LAMA5: variants seen among roughly 807,000 people sequenced by gnomAD.
The protein encoded by LAMA5 is laminin subunit alpha 5.
Under a neutral mutation model 433.4 loss-of-function variants are expected in LAMA5, and 260 were observed. The ratio of observed to expected loss-of-function variants is 0.60; its 90% CI spans 0.54 to 0.66. The LOEUF (loss-of-function observed/expected upper bound fraction) is 0.66, where lower values mean the gene tolerates loss of function less well. LAMA5 is among the 30% of genes least tolerant of loss of function. The pLI is 0.00. For missense variants in LAMA5, 5,378 were observed against 5,258.5 expected, an observed-to-expected ratio of 1.02 and a Z score of -0.70; for synonymous variants, 2,620 against 2,226.6, an observed-to-expected ratio of 1.18 and a Z score of -4.97.
In LAMA5 at chr20:62,353,115, C is replaced by T; in HGVS notation, c.568+19G>A. ...CCCCCCTGCCTCTCCCCCCAGGCCC[C>T]ACGGCGGCAGAGACTCACAGGCAAA... On this transcript the variant is annotated intron_variant, in intron 3 of 79. Transcript: ENST00000252999. 6.5e-7 allele frequency: 1 copy of T among 1,542,772 alleles called. No homozygotes were observed. Among genetic ancestry groups the T allele is most frequent in the Non-Finnish European group, 8.8e-7 (1 of 1,136,428 alleles).
rs745384056 is a variant in LAMA5, at chr20:62,323,518, G to A, written c.6002C>T (p.Pro2001Leu). Residue 2001 changes from proline (P) to leucine (L), a missense_variant, in exon 45 of 80, where the codon CCC becomes CTC. Transcript: ENST00000252999. The stretch of plus-strand genomic sequence containing the variant: ...GCCGGGGGCACAGATCTCGCAGCGG[G>A]GCCCAGTGGTGTGGCGCAGGCAGCC... Reference protein sequence around the residue: ...CRGCLRHTTGPRCEICAPGFY... With the variant: ...CRGCLRHTTGLRCEICAPGFY... The A allele has an allele frequency of 6.4e-7, 1 of 1,572,226 alleles. No homozygotes were observed. Among genetic ancestry groups the A allele is most frequent in the Non-Finnish European group, 8.6e-7 (1 of 1,161,738 alleles).
rs770831626 is a variant in LAMA5, at chr20:62,333,963, G to GC, written c.2815dup (p.Ala939GlyfsTer77). The GC allele has an allele frequency of 6.2e-7, 1 of 1,612,794 alleles. No homozygotes were observed. The highest frequency in any genetic ancestry group is 1.7e-5 in the Admixed American group (1 of 59,998). ...AGAGACCCGCCCGCTCACACTCATG[G>GC]CCCCCCGGTTGACGTATCGGAAGAC... On this transcript the variant is annotated frameshift_variant, in exon 23 of 80. Transcript: ENST00000252999. LOFTEE classifies it high-confidence loss of function.
intron 11 of LAMA5, among the ~76,000 whole-genome samples, chr20:62,340,305 G>GTTTTTTTTTTTTTTTTTTTTTTTTTTTT (rs34415039): frequency 1.0e-5 from 1 of 99,464 alleles, no homozygotes; most frequent in Non-Finnish European, 1.8e-5. Flanking sequence ...AGCCTCCTTT[G>GTTTTTTTTTTTTTTTTTTTTTTTTTTTT]TTTTTTTTTT....
intron 51 of LAMA5, 122 bp downstream of exon 51, chr20:62,319,562 T>C: frequency 4.4e-6 from 3 of 677,996 alleles, no homozygotes; most frequent in Non-Finnish European, 7.6e-6. Context: ...AGAGGCGTCG[T>C]CTCCCATCTA....
rs1318029635 is a variant in LAMA5 at position 62,323,915 on chromosome 20, C to T, written c.5769-59G>A. The stretch of plus-strand genomic sequence containing the variant: ...CTGGCAGTGCCCGGGCCCGGGCGAG[C>T]ACACTGTGCTCCGGCTGGAACACAC... On this transcript the variant is annotated intron_variant, in intron 43 of 79. Transcript: ENST00000252999. 6 of 1,511,208 alleles carry T rather than the reference C, an allele frequency of 4.0e-6. No homozygotes were observed. The East Asian group carries it at 1.5e-4, about 37-fold the overall frequency. 93.6% of individuals were successfully genotyped at this position (1,511,208 alleles called of 1,614,324 possible). A position where few individuals can be genotyped will look rare whatever the true frequency, so the allele number is the denominator to read the frequency against.
In LAMA5 at chr20:62,312,446, C is replaced by T. The variant is rs374897944; in HGVS notation, c.9314G>A (p.Arg3105Gln). 6.9e-6 allele frequency: 11 copies of T among 1,597,994 alleles called. No homozygotes were observed. The highest frequency in any genetic ancestry group is 1.1e-5 in the South Asian group (1 of 90,956). ...KALGKYVDLK[R>Q]LNTTGVSAGC... is the part of the protein sequence containing the mutation. ...GGCGCTCACGCCTGTCGTGTTCAGC[C>T]GCTTGAGGTCCACATACTTGCCCAG... The change falls in exon 68 of 80, where the codon CGG (arginine) becomes CAG (glutamine). Residue 3105 changes from arginine (R) to glutamine (Q), a missense_variant. Physicochemically the swap from Arg to Gln is conservative, Grantham distance 43 (BLOSUM62 1). Transcript: ENST00000252999.
intron 2 of LAMA5, among the ~76,000 whole-genome samples, chr20:62,354,371 A>G (rs1171779927): frequency 4.3e-5 from 2 of 46,120 alleles, no homozygotes; most frequent in Middle Eastern, 0.014. Context: ...ATCCCCTGAC[A>G]CCCTGCCCTC....
chr20:62,317,895 A>AGGAGGG (rs1555872911), intron 53 of LAMA5, 117 bp from the exon 54 acceptor site: 2 of 2,498 alleles, frequency 8.0e-4, no homozygotes, highest in East Asian at 0.016. Flanking sequence ...ATGGGGGGTG[A>AGGAGGG]GGAGGGGGGA....
rs1468482130 is a variant in LAMA5 at position 62,330,783 on chromosome 20, A to G, written c.3812T>C (p.Val1271Ala). Residue 1271 changes from valine (V) to alanine (A), a missense_variant, in exon 30 of 80, where the codon GTG (valine) becomes GCG (alanine). By Grantham distance (64) the Val-to-Ala change is moderately conservative. Coordinates refer to ENST00000252999, the MANE Select transcript of LAMA5 (RefSeq NM_005560.6). ...AGPRPRPPTA[V>A]DPDAEPTLLR... ...CAGGGTGGGCTCTGCATCAGGGTCC[A>G]CAGCGGTGGGGGGCCGAGGTCGGGG... 14 of 1,563,666 alleles carry G rather than the reference A, an allele frequency of 9.0e-6. No individual in the cohort carries two copies. The highest frequency in any genetic ancestry group is 1.2e-5 in the Non-Finnish European group (14 of 1,155,220).
Position 62,324,402 on chromosome 20 carries a change from G to T in LAMA5, c.5643+39C>A. 6.5e-7 allele frequency: 1 copy of T among 1,531,052 alleles called. No individual in the cohort carries two copies. The highest frequency in any genetic ancestry group is 9.0e-7 in the Non-Finnish European group (1 of 1,113,412). 94.8% of individuals were successfully genotyped at this position (1,531,052 alleles called of 1,614,324 possible). ...CCTGGCACACTTGACTGTGCCTTCAGTGAATGCTGCCCCCCTGGCCCCACC... is the reference window on the plus strand; with the variant it reads ...CCTGGCACACTTGACTGTGCCTTCATTGAATGCTGCCCCCCTGGCCCCACC... On this transcript the variant is annotated intron_variant, in intron 42 of 79. Coordinates refer to ENST00000252999, the MANE Select transcript of LAMA5 (RefSeq NM_005560.6). The surrounding 1 kb of genome is among the most constrained non-coding windows in gnomAD (Gnocchi z 4.4).
In LAMA5 at chr20:62,310,986, G is replaced by T. The variant is rs779475705; in HGVS notation, c.10197C>A (p.Gly3399=). 6.2e-7 allele frequency: 1 copy of T among 1,611,304 alleles called. No individual in the cohort carries two copies. Among genetic ancestry groups the T allele is most frequent in the Non-Finnish European group, 8.5e-7 (1 of 1,179,410 alleles). ...GGCCTTCCATCTGTGCAACGAAGTGGCCATTGCTCAGGAAGAGCGCCAGGG... is the reference window on the plus strand; with the variant it reads ...GGCCTTCCATCTGTGCAACGAAGTGTCCATTGCTCAGGAAGAGCGCCAGGG... ...SPSLALFLSN[G]HFVAQMEGLG... is the part of the protein sequence containing the mutation. Residue 3399 remains glycine, a synonymous_variant, in exon 74 of 80, where the codon GGC becomes GGA. Transcript: ENST00000252999.
intron 51 of LAMA5, 131 bp from the exon 52 acceptor site, chr20:62,319,144 G>T: frequency 1.0e-6 from 1 of 985,060 alleles, no homozygotes; most frequent in Non-Finnish European, 1.4e-6. Context: ...AGCGCACCTG[G>T]GTGGCCCCTA....
Position 62,360,641 on chromosome 20 carries a change from G to T in LAMA5, c.450+1759C>A, listed in dbSNP as rs1433046949. Among the ~76,000 whole-genome samples the T allele has an allele frequency of 2.1e-4, 21 of 100,128 alleles. 2 individuals carry two copies. The highest frequency in any genetic ancestry group is 9.4e-4 in the African/African-American group (21 of 22,400). 65.7% of individuals were successfully genotyped at this position (100,128 alleles called of 152,430 possible). A position where few individuals can be genotyped will look rare whatever the true frequency, so the allele number is the denominator to read the frequency against. ...GGGTGGGTGGAGGGATAGATGGGTG[G>T]GTGGGTGGGTGGAGGGATAGATGGG... On this transcript the variant is annotated intron_variant, in intron 2 of 79. Coordinates refer to ENST00000252999, the MANE Select transcript of LAMA5 (RefSeq NM_005560.6).
chr20:62,312,966 C>A lies in LAMA5; in HGVS notation c.9000G>T (p.Leu3000=). ...TCAGGCCAGCCCCAAAGTCATACAA[C>A]AGCACGAGGCTGCCTTCTTGCACGG... ...CLAVQEGSLV[L]LYDFGAGLKK... The change falls in exon 66 of 80, where the codon CTG becomes CTT. Residue 3000 remains leucine, a synonymous_variant. Coordinates refer to ENST00000252999, the MANE Select transcript of LAMA5 (RefSeq NM_005560.6). The A allele has an allele frequency of 6.3e-7, 1 of 1,582,334 alleles. No homozygotes were observed.
rs149378083 is a variant in LAMA5 at position 62,334,730 on chromosome 20, G to GTCAGGGCTCAGGGCTCAGGGCTCAGGGC, written c.2483-137_2483-110dup. The stretch of plus-strand genomic sequence containing the variant: ...CCTGGGGCTCTCTGGATGATGGAGA[G>GTCAGGGCTCAGGGCTCAGGGCTCAGGGC]TCAGGGCTCAGGGCTCAGGGCTCAG... On this transcript the variant is annotated intron_variant, in intron 20 of 79. Transcript: ENST00000252999. 2.4e-4 allele frequency: 148 copies of GTCAGGGCTCAGGGCTCAGGGCTCAGGGC among 611,132 alleles called. 1 individual carries two copies. In the African/African-American group the frequency reaches 2.6e-3, roughly 11 times the overall value. 37.9% of individuals were successfully genotyped at this position (611,132 alleles called of 1,614,324 possible).
chr20:62,319,609 G>C, intron 51 of LAMA5, 75 bp downstream of exon 51: 3 of 1,070,674 alleles, frequency 2.8e-6, no homozygotes, highest in Non-Finnish European at 4.1e-6. Flanking sequence ...GGCCAAGCTC[G>C]GCCAGGCACC....
At chr20:62,315,310 C>T in intron 58 of LAMA5, 103 bp from the exon 59 acceptor site, 4 of 1,018,028 alleles carry the variant, frequency 3.9e-6, no homozygotes, top group Non-Finnish European at 4.3e-6. Context: ...CATCCAACCC[C>T]CTATGGATCG....
chr20:62,351,370 C>A (rs903773518), intron 6 of LAMA5: 7 of 470,968 alleles, frequency 1.5e-5, no homozygotes, highest in Admixed American at 3.4e-5. Flanking sequence ...ATTGCTGACT[C>A]CCCTCCACAG....
chr20:62,352,269 T>C lies in LAMA5; in HGVS notation c.660A>G (p.Ser220=), dbSNP rs1161378741. 1 of 1,599,544 alleles carries C rather than the reference T, an allele frequency of 6.3e-7. No individual in the cohort carries two copies. Among genetic ancestry groups the C allele is most frequent in the Non-Finnish European group, 8.5e-7 (1 of 1,179,450 alleles). ...DDAAICTTEY[S]RIVPLENGEI... Reference sequence around the variant, plus strand: ...CTCCGTTCTCCAGGGGCACGATGCGTGAGTACTCGGTGGTGCAGATGGCCG... The same window carrying C: ...CTCCGTTCTCCAGGGGCACGATGCGCGAGTACTCGGTGGTGCAGATGGCCG... Residue 220 remains serine, a synonymous_variant, in exon 4 of 80, where the codon TCA becomes TCG. Transcript: ENST00000252999.
Sources: allele counts gnomAD v4.1 joint callset (sites outside exome capture counted in the v4.1 genomes callset), GRCh38; gene constraint gnomAD v4.1.1; non-coding constraint Gnocchi (gnomAD v3.1); transcripts MANE v1.5; gene names NCBI Gene and HGNC (gene_info 2026-07-23, HGNC 2026-07-21).